The following CADPS2 variants were observed in gnomAD, a reference collection of about 807,000 sequenced individuals.
CADPS2 encodes calcium-dependent secretion activator 2.
In CADPS2, 93 loss-of-function variants were observed where a neutral mutation model predicts 172.5. That is an observed-to-expected ratio of 0.54 (90% CI 0.46 to 0.64). The LOEUF is 0.64. Ranked by LOEUF, CADPS2 falls within the 30% of genes least tolerant of loss-of-function variation. CADPS2 has a pLI of 0.00. For missense variants in CADPS2, 1,420 were observed against 1,565.9 expected, an observed-to-expected ratio of 0.91 and a Z score of 1.57; for synonymous variants, 546 against 555.2, an observed-to-expected ratio of 0.98 and a Z score of 0.23.
chr7:122,505,731 TC>T (rs1274705218), intron 9 of CADPS2, among the ~76,000 whole-genome samples: 1 of 152,162 alleles, frequency 6.6e-6, no homozygotes, highest in African/African-American at 2.4e-5. Context: ...TTCGAATACA[TC>T]AACTCCAGAA....
In CADPS2 at chr7:122,528,357, T is replaced by C. The variant is rs73717673; in HGVS notation, c.1476-15042A>G. Among the ~76,000 whole-genome samples the C allele has an allele frequency of 7.8e-3, 1,187 of 152,324 alleles. 16 individuals carry two copies. Among genetic ancestry groups the C allele is most frequent in the African/African-American group, 0.028 (1,147 of 41,578 alleles). On this transcript the variant is annotated intron_variant, in intron 8 of 29. Coordinates refer to ENST00000449022, the MANE Select transcript of CADPS2 (RefSeq NM_017954.11). Reference sequence around the variant, plus strand: ...TTACAACAACAAAAACTAGCTCTTCTTATTCATTAGATAAAAGCAATGTTT... The same window carrying C: ...TTACAACAACAAAAACTAGCTCTTCCTATTCATTAGATAAAAGCAATGTTT...
rs898836480 is a variant in CADPS2, at chr7:122,853,566, A to C, written c.339+32433T>G. Among the ~76,000 whole-genome samples, 30 of 152,228 alleles carry C rather than the reference A, an allele frequency of 2.0e-4. 1 individual carries two copies. The highest frequency in any genetic ancestry group is 2.9e-5 in the Non-Finnish European group (2 of 68,042). ...TAGCTTTTTCAATACCTTTGTAATT[A>C]GCTCCCTATACCAAATCCCCCTATT... On this transcript the variant is annotated intron_variant, in intron 1 of 29. Transcript: ENST00000449022.
intron 2 of CADPS2, among the ~76,000 whole-genome samples, chr7:122,676,368 T>C (rs2082378776): frequency 6.6e-6 from 1 of 152,106 alleles, no homozygotes; most frequent in African/African-American, 2.4e-5. Flanking sequence ...TAGCAGAAAA[T>C]ACATGTCTTT....
intron 3 of CADPS2, among the ~76,000 whole-genome samples, chr7:122,646,195 G>A (rs1486926235): frequency 1.3e-5 from 2 of 152,038 alleles, no homozygotes; most frequent in Non-Finnish European, 2.9e-5. Flanking sequence ...TCAGAGCCAT[G>A]TCTCGTCCTC....
At chr7:122,846,376 G>C (rs1262501626) in intron 1 of CADPS2, among the ~76,000 whole-genome samples, 1 of 152,130 alleles carries the variant, frequency 6.6e-6, no homozygotes, top group African/African-American at 2.4e-5. Context: ...TACAAATTTT[G>C]CAAGTTTTTA....
At chr7:122,527,615 A>AGT (rs1356293722) in intron 8 of CADPS2, among the ~76,000 whole-genome samples, 109 of 94,322 alleles carry the variant, frequency 1.2e-3, no homozygotes, top group Middle Eastern at 5.6e-3. Context: ...AGAGAGAGAG[A>AGT]GAGTGTGTGT....
rs573712808 is a variant in CADPS2 at position 122,395,208 on chromosome 7, G to A, written c.2747-1626C>T. Among the ~76,000 whole-genome samples the A allele has an allele frequency of 1.1e-4, 16 of 152,246 alleles. No individual in the cohort carries two copies. The East Asian group carries it at 2.9e-3, about 28-fold the overall frequency. On this transcript the variant is annotated intron_variant, in intron 20 of 29. Coordinates refer to ENST00000449022, the MANE Select transcript of CADPS2 (RefSeq NM_017954.11). Reference sequence around the variant, plus strand: ...AGATGGCTTCGATATGTTACTTTATGCGTTTCTGAAATTTCTCTGAGGCTG... The same window carrying A: ...AGATGGCTTCGATATGTTACTTTATACGTTTCTGAAATTTCTCTGAGGCTG...
At chr7:122,693,708 C>T (rs1014535486) in intron 2 of CADPS2, among the ~76,000 whole-genome samples, 3 of 152,190 alleles carry the variant, frequency 2.0e-5, no homozygotes, top group African/African-American at 7.2e-5. Flanking sequence ...ATAAACCTAG[C>T]ACTTTGGGAG....
intron 3 of CADPS2, among the ~76,000 whole-genome samples, chr7:122,658,080 G>A (rs983325091): frequency 1.3e-5 from 2 of 152,232 alleles, no homozygotes; most frequent in South Asian, 2.1e-4. Context: ...GTGGGCAAAG[G>A]ATATGAACAG....
intron 2 of CADPS2, among the ~76,000 whole-genome samples, chr7:122,672,699 G>T (rs1382706010): frequency 6.6e-6 from 1 of 152,158 alleles, no homozygotes; most frequent in Non-Finnish European, 1.5e-5. Context: ...TTGGCAGCCA[G>T]ATGTCCTGCT....
intron 3 of CADPS2, among the ~76,000 whole-genome samples, chr7:122,637,811 A>G (rs1466649366): frequency 6.6e-6 from 1 of 152,226 alleles, no homozygotes; most frequent in African/African-American, 2.4e-5. Flanking sequence ...TAACTGTGAC[A>G]TAAGTTGAGT....
chr7:122,706,315 TATATATATATGCTTATATATTCAAGGA>T lies in CADPS2; in HGVS notation c.453+30613_453+30639del, dbSNP rs2087469895. Among the ~76,000 whole-genome samples, 30 of 31,590 alleles carry T rather than the reference TATATATATATGCTTATATATTCAAGGA, an allele frequency of 9.5e-4. 1 individual carries two copies. The highest frequency in any genetic ancestry group is 1.2e-3 in the South Asian group (1 of 826). The allele number at this position is 31,590 out of a possible 152,430, so 20.7% of individuals were successfully genotyped here. ...TATATATGCTTATATATTCAAGGAA[TATATATATATGCTTATATATTCAAGGA>T]ATATATATATATGCTTATATATTCA... On this transcript the variant is annotated intron_variant, in intron 2 of 29. Coordinates refer to ENST00000449022, the MANE Select transcript of CADPS2 (RefSeq NM_017954.11).
intron 1 of CADPS2, among the ~76,000 whole-genome samples, chr7:122,803,091 C>T (rs1373108228): frequency 6.6e-6 from 1 of 152,030 alleles, no homozygotes; most frequent in Non-Finnish European, 1.5e-5. Flanking sequence ...TTTAAGAAAA[C>T]AGGCCTCTTC....
intron 12 of CADPS2, among the ~76,000 whole-genome samples, chr7:122,478,360 C>T (rs2056939641): frequency 6.6e-6 from 1 of 152,152 alleles, no homozygotes; most frequent in Admixed American, 6.5e-5. Flanking sequence ...TACTGCAAAA[C>T]TGTCATAAAT....
At chr7:122,323,372 GAAGA>G (rs1368036068) in intron 29 of CADPS2, among the ~76,000 whole-genome samples, 9 of 152,038 alleles carry the variant, frequency 5.9e-5, no homozygotes, top group Non-Finnish European at 1.3e-4. Flanking sequence ...ATATATTAAA[GAAGA>G]TATACTGACT....
chr7:122,484,055 T>C (rs941432432), intron 11 of CADPS2, among the ~76,000 whole-genome samples: 4 of 152,146 alleles, frequency 2.6e-5, no homozygotes, highest in East Asian at 1.9e-4. Flanking sequence ...GACCTATAGA[T>C]TGAAGGCATT....
intron 20 of CADPS2, 77 bp from the exon 21 acceptor site, chr7:122,393,659 C>A: frequency 6.7e-7 from 1 of 1,500,786 alleles, no homozygotes; most frequent in South Asian, 1.2e-5. Context: ...CAAAAAAACA[C>A]GTTTTCTGAG....
intron 17 of CADPS2, among the ~76,000 whole-genome samples, chr7:122,436,076 G>GTACA (rs1388916978): frequency 6.6e-6 from 1 of 151,998 alleles, no homozygotes. Flanking sequence ...TAGCAATATA[G>GTACA]TACACTTTAA....
chr7:122,766,928 T>C (rs2093569490), intron 1 of CADPS2, among the ~76,000 whole-genome samples: 1 of 152,162 alleles, frequency 6.6e-6, no homozygotes, highest in Non-Finnish European at 1.5e-5. Context: ...GGAATAACAA[T>C]AGTATCTATT....
Sources: gnomAD v4.1 joint callset for allele counts (sites outside exome capture counted in the v4.1 genomes callset) on GRCh38, gnomAD v4.1.1 for gene constraint, MANE v1.5 for transcripts, NCBI Gene and HGNC (gene_info 2026-07-23, HGNC 2026-07-21) for gene names.